The following CTNNA3 variants were observed in gnomAD, a reference collection of about 807,000 sequenced individuals.
The protein encoded by CTNNA3 is catenin alpha 3, also known as catenin alpha-3.
CTNNA3 carries 76 observed loss-of-function variants against 95.7 expected under a neutral mutation model. The observed-to-expected ratio is 0.79, with a 90% confidence interval of 0.66 to 0.96. The LOEUF is 0.96. Among genes scored for constraint, CTNNA3 ranks in the 40% least tolerant of loss-of-function variants. The pLI is 0.00. For synonymous variants in CTNNA3, 431 were observed against 374.4 expected (o/e 1.15, Z -1.74); for missense variants, 1,191 against 1,089.8 (o/e 1.09, Z -1.31).
At chr10:67,209,762 T>C (rs1864062548) in intron 6 of CTNNA3, among the ~76,000 whole-genome samples, 1 of 151,204 alleles carries the variant, frequency 6.6e-6, no homozygotes, top group Non-Finnish European at 1.5e-5. Flanking sequence ...AAAACACACT[T>C]CTAGTAGTAT....
chr10:66,712,438 T>G (rs2132609970), intron 9 of CTNNA3, among the ~76,000 whole-genome samples: 1 of 152,280 alleles, frequency 6.6e-6, no homozygotes, highest in South Asian at 2.1e-4. Context: ...GGTTCTGATA[T>G]TTCGATATTA....
intron 5 of CTNNA3, among the ~76,000 whole-genome samples, chr10:67,341,396 G>A (rs949052830): frequency 9.9e-5 from 15 of 151,954 alleles, no homozygotes; most frequent in African/African-American, 3.6e-4. Flanking sequence ...ATCTACATGA[G>A]TTCAATTGTT....
intron 1 of CTNNA3, among the ~76,000 whole-genome samples, chr10:67,655,528 G>A (rs1273848101): frequency 6.6e-6 from 1 of 152,188 alleles, no homozygotes; most frequent in East Asian, 1.9e-4. Flanking sequence ...GCTCATGCCT[G>A]TAATCCCAGC....
intron 5 of CTNNA3, among the ~76,000 whole-genome samples, chr10:67,352,147 A>G (rs1842660104): frequency 6.6e-6 from 1 of 152,022 alleles, no homozygotes; most frequent in Non-Finnish European, 1.5e-5. Context: ...TGATGATAGA[A>G]GTGTGATCGG....
At chr10:67,430,820 T>TACACACACACACACACACAC (rs371146065) in intron 5 of CTNNA3, among the ~76,000 whole-genome samples, 21 of 138,860 alleles carry the variant, frequency 1.5e-4, no homozygotes, top group East Asian at 6.6e-4. Flanking sequence ...CAAACATAAC[T>TACACACACACACACACACAC]ACACACACAC....
intron 5 of CTNNA3, among the ~76,000 whole-genome samples, chr10:67,388,042 G>A (rs370699348): frequency 1.0e-3 from 152 of 151,674 alleles, no homozygotes; most frequent in African/African-American, 3.4e-3. Flanking sequence ...CACCAGCAAC[G>A]GAACAAAGCT....
intron 13 of CTNNA3, among the ~76,000 whole-genome samples, chr10:66,255,642 C>T (rs928821846): frequency 1.3e-5 from 2 of 152,180 alleles, no homozygotes; most frequent in Non-Finnish European, 2.9e-5. Flanking sequence ...CACCCTCTCC[C>T]CATAAACAGA....
intron 5 of CTNNA3, among the ~76,000 whole-genome samples, chr10:67,450,156 G>A (rs1162452526): frequency 1.3e-5 from 2 of 152,164 alleles, no homozygotes; most frequent in African/African-American, 4.8e-5. Context: ...ACACATGCTG[G>A]TCAAGTTGTG....
At chr10:67,450,895 G>C (rs1056654727) in intron 5 of CTNNA3, among the ~76,000 whole-genome samples, 4 of 151,588 alleles carry the variant, frequency 2.6e-5, no homozygotes, top group African/African-American at 9.7e-5. Flanking sequence ...ATTTCTTTTA[G>C]ATATAATATC....
intron 2 of CTNNA3, among the ~76,000 whole-genome samples, chr10:67,646,888 C>A (rs1839729864): frequency 6.6e-6 from 1 of 152,064 alleles, no homozygotes; most frequent in African/African-American, 2.4e-5. Flanking sequence ...TTATGCATAT[C>A]ATCAAAGGAT....
intron 12 of CTNNA3, among the ~76,000 whole-genome samples, chr10:66,336,987 T>G (rs994953258): frequency 6.6e-6 from 1 of 152,122 alleles, no homozygotes; most frequent in Non-Finnish European, 1.5e-5. Context: ...ACAGATTGAC[T>G]GCAGAAGCAG....
At position 67,313,469 on chromosome 10, in the gene CTNNA3, T is replaced by G. The variant is rs544849098; in HGVS notation, c.580-93599A>C. 7.7e-4 allele frequency among the ~76,000 whole-genome samples: 117 copies of G among 151,986 alleles called. 1 individual carries two copies. Among genetic ancestry groups the G allele is most frequent in the African/African-American group, 2.7e-3 (113 of 41,500 alleles). On this transcript the variant is annotated intron_variant, in intron 5 of 17. Transcript: ENST00000433211. ...AATAATAATAATAATAAAATAAACTTTAGCATTTCTCAAAGTTGGGCAAAT... is the reference window on the plus strand; with the variant it reads ...AATAATAATAATAATAAAATAAACTGTAGCATTTCTCAAAGTTGGGCAAAT...
intron 15 of CTNNA3, among the ~76,000 whole-genome samples, chr10:66,029,299 A>G (rs529207582): frequency 6.6e-6 from 1 of 152,118 alleles, no homozygotes; most frequent in African/African-American, 2.4e-5. Flanking sequence ...CCTGAAATAG[A>G]GGAAAAGTGA....
chr10:67,715,395 GAGAACTGACCAAATGAGA>G (rs974391617), intron 1 of CTNNA3, among the ~76,000 whole-genome samples: 4 of 152,146 alleles, frequency 2.6e-5, no homozygotes, highest in Admixed American at 6.6e-5. Context: ...ATAAGACTAG[GAGAACTGACCAAATGAGA>G]AGAACTGACC....
chr10:67,480,141 C>G (rs551131008), intron 5 of CTNNA3, among the ~76,000 whole-genome samples: 8 of 151,842 alleles, frequency 5.3e-5, no homozygotes, highest in African/African-American at 1.9e-4. Context: ...AATTTACAGT[C>G]AAAATTCCAC....
chr10:67,365,946 A>G (rs1267250704), intron 5 of CTNNA3, among the ~76,000 whole-genome samples: 1 of 152,240 alleles, frequency 6.6e-6, no homozygotes, highest in Non-Finnish European at 1.5e-5. Context: ...TTGCGGCACT[A>G]TTCACAATAG....
chr10:67,170,263 T>C (rs1861958497), intron 7 of CTNNA3, among the ~76,000 whole-genome samples: 1 of 152,040 alleles, frequency 6.6e-6, no homozygotes, highest in Non-Finnish European at 1.5e-5. Context: ...AGTAATCCCA[T>C]TACTGGGTAC....
intron 10 of CTNNA3, among the ~76,000 whole-genome samples, chr10:66,575,262 A>G (rs1842973494): frequency 6.6e-6 from 1 of 152,108 alleles, no homozygotes; most frequent in South Asian, 2.1e-4. Flanking sequence ...TTATTTAACA[A>G]ACAAAAAATG....
At chr10:65,960,417 C>T (rs1422916175) in intron 17 of CTNNA3, among the ~76,000 whole-genome samples, 11 of 151,886 alleles carry the variant, frequency 7.2e-5, no homozygotes, top group Non-Finnish European at 1.5e-4. Context: ...CCCACCTACT[C>T]GGTAGGCTGA....
Sources: allele counts gnomAD v4.1 joint callset (sites outside exome capture counted in the v4.1 genomes callset), GRCh38; gene constraint gnomAD v4.1.1; transcripts MANE v1.5; gene names NCBI Gene and HGNC (gene_info 2026-07-23, HGNC 2026-07-21).